The following R3HDM1 variants were observed in gnomAD, a reference collection of about 807,000 sequenced individuals.
R3HDM1 encodes R3H domain-containing protein 1.
R3HDM1 carries 46 observed loss-of-function variants against 141.1 expected under a neutral mutation model. The ratio of observed to expected loss-of-function variants is 0.33; its 90% confidence interval spans 0.26 to 0.42. The LOEUF (loss-of-function observed/expected upper bound fraction) is 0.42. Among genes scored for constraint, R3HDM1 ranks in the 10% least tolerant of loss-of-function variants. The pLI, the probability that R3HDM1 is intolerant of heterozygous loss-of-function variation, is 1.00. For missense variants in R3HDM1, 1,184 were observed against 1,368.3 expected (o/e 0.87, Z 2.12); for synonymous variants, 435 against 472.9 (o/e 0.92, Z 1.04).
intron 19 of R3HDM1, among the ~76,000 whole-genome samples, chr2:135,672,709 C>T (rs946373429): frequency 2.6e-5 from 4 of 151,940 alleles, no homozygotes; most frequent in South Asian, 2.1e-4. Context: ...TCAAAATGTA[C>T]GTGGTGTTTG....
At chr2:135,558,704 A>G (rs1316439153) in intron 1 of R3HDM1, among the ~76,000 whole-genome samples, 1 of 152,200 alleles carries the variant, frequency 6.6e-6, no homozygotes, top group African/African-American at 2.4e-5. Flanking sequence ...ATTAATGTGT[A>G]TATTATTATG....
At chr2:135,594,223 T>C (rs1004630782) in intron 1 of R3HDM1, among the ~76,000 whole-genome samples, 2 of 152,242 alleles carry the variant, frequency 1.3e-5, no homozygotes, top group African/African-American at 4.8e-5. Context: ...CATTAAGATA[T>C]ATGTATAGTT....
chr2:135,687,279 G>C (rs2071517636), intron 21 of R3HDM1, among the ~76,000 whole-genome samples: 1 of 152,168 alleles, frequency 6.6e-6, no homozygotes, highest in Non-Finnish European at 1.5e-5. Flanking sequence ...GGGGGAAGTG[G>C]AGAGTTACTC....
intron 18 of R3HDM1, among the ~76,000 whole-genome samples, chr2:135,657,401 ACT>A (rs1559363152): frequency 6.8e-6 from 1 of 147,480 alleles, no homozygotes; most frequent in Non-Finnish European, 1.5e-5. Context: ...ACAGAGCAAT[ACT>A]CTGTCTCAAA....
chr2:135,577,840 A>G (rs75732899), intron 1 of R3HDM1, among the ~76,000 whole-genome samples: 1 of 96,454 alleles, frequency 1.0e-5, no homozygotes, highest in South Asian at 4.8e-4. Flanking sequence ...CTTCATCTCA[A>G]AAAAAAAAAA....
intron 21 of R3HDM1, among the ~76,000 whole-genome samples, chr2:135,708,958 C>CAAAAAA (rs374959932): frequency 1.9e-5 from 2 of 102,916 alleles, no homozygotes; most frequent in Non-Finnish European, 3.6e-5. Flanking sequence ...AACTCTGTCT[C>CAAAAAA]AAAAAAAAAA....
intron 19 of R3HDM1, among the ~76,000 whole-genome samples, chr2:135,674,252 T>C (rs950403532): frequency 6.6e-6 from 1 of 152,240 alleles, no homozygotes; most frequent in Admixed American, 6.5e-5. Context: ...GAAATTGCCA[T>C]GTCTGTTGCT....
intron 19 of R3HDM1, among the ~76,000 whole-genome samples, chr2:135,665,668 G>A (rs1251934006): frequency 1.3e-5 from 2 of 152,152 alleles, no homozygotes; most frequent in African/African-American, 4.8e-5. Context: ...ATTTGTGAAA[G>A]CTATTGCTTA....
chr2:135,670,535 C>A, intron 19 of R3HDM1: 1 of 447,032 alleles, frequency 2.2e-6, no homozygotes, highest in Non-Finnish European at 3.0e-6. Flanking sequence ...TTGAAATAGT[C>A]TGTGTCATAT....
intron 7 of R3HDM1, among the ~76,000 whole-genome samples, chr2:135,627,926 A>G (rs1332910204): frequency 6.6e-6 from 1 of 152,194 alleles, no homozygotes; most frequent in Non-Finnish European, 1.5e-5. Flanking sequence ...CTTCTGGAAT[A>G]ATGACTAGAA....
Position 135,651,829 on chromosome 2 carries a change from G to A in R3HDM1, c.1825G>A (p.Val609Ile), listed in dbSNP as rs2065181011. The stretch of plus-strand genomic sequence containing the variant: ...TGCCGCCATGTTCCAGTCCACTGTG[G>A]TTCTTCAGTCTCCACAGCAGTCTGG... ...PHAAMFQSTV[V>I]LQSPQQSGYI... Residue 609 changes from valine (V) to isoleucine (I), a missense_variant, in exon 18 of 27, where the codon GTT becomes ATT. Physicochemically the swap from Val to Ile is conservative, Grantham distance 29 (BLOSUM62 3). Around this residue, in one of 5 missense-constraint regions of R3HDM1, gnomAD observed 563 missense variants for 562.0 expected, o/e 1.00. Transcript: ENST00000683871. 1 of 1,613,964 alleles carries A rather than the reference G, an allele frequency of 6.2e-7. No individual in the cohort carries two copies. Among genetic ancestry groups the A allele is most frequent in the South Asian group, 1.1e-5 (1 of 91,080 alleles).
At chr2:135,678,889 A>G (rs901433526) in intron 20 of R3HDM1, among the ~76,000 whole-genome samples, 1 of 150,616 alleles carries the variant, frequency 6.6e-6, no homozygotes, top group Non-Finnish European at 1.5e-5. Context: ...CCTCCTGAGT[A>G]ACTGGGACTA....
At position 135,593,714 on chromosome 2, in the gene R3HDM1, A is replaced by G. The variant is rs546811841; in HGVS notation, c.-249-8786A>G. Among the ~76,000 whole-genome samples, 34 of 151,318 alleles carry G rather than the reference A, an allele frequency of 2.2e-4. No individual in the cohort carries two copies. In the South Asian group the frequency reaches 6.0e-3, roughly 27 times the overall value. Reference sequence around the variant, plus strand: ...CATATTCTCTAGAATTTTCTTTTTTATTTTATTATTTTATTTATTTTTTTG... The same window carrying G: ...CATATTCTCTAGAATTTTCTTTTTTGTTTTATTATTTTATTTATTTTTTTG... On this transcript the variant is annotated intron_variant, in intron 1 of 26. Coordinates refer to ENST00000683871, the MANE Select transcript of R3HDM1 (RefSeq NM_001378107.1).
Position 135,724,502 on chromosome 2 carries a change from C to G in R3HDM1, c.*210C>G. ...ACTAGGAATCCACATCAGAATGATACAGAGTTAGCAGGTTTTTCTAAGGAA... is the reference window on the plus strand; with the variant it reads ...ACTAGGAATCCACATCAGAATGATAGAGAGTTAGCAGGTTTTTCTAAGGAA... On this transcript the variant is annotated 3_prime_UTR_variant, in exon 27 of 27. Transcript: ENST00000683871. The G allele has an allele frequency of 4.4e-6, 2 of 454,436 alleles. No individual in the cohort carries two copies. The highest frequency in any genetic ancestry group is 7.7e-6 in the Non-Finnish European group (2 of 259,362). The allele number at this position is 454,436 out of a possible 1,614,324, so 28.2% of individuals were successfully genotyped here.
chr2:135,687,291 T>A (rs1013811512), intron 21 of R3HDM1, among the ~76,000 whole-genome samples: 4 of 152,190 alleles, frequency 2.6e-5, no homozygotes, highest in Admixed American at 1.3e-4. Context: ...GAGTTACTCT[T>A]CAGTGGATAT....
chr2:135,683,305 G>A (rs1353440221), intron 21 of R3HDM1, among the ~76,000 whole-genome samples: 1 of 152,102 alleles, frequency 6.6e-6, no homozygotes, highest in African/African-American at 2.4e-5. Context: ...TGTAATCCCA[G>A]CACTTTGGGA....
In R3HDM1 at chr2:135,559,118, T is replaced by G. The variant is rs115852907; in HGVS notation, c.-250+27485T>G. On this transcript the variant is annotated intron_variant, in intron 1 of 26. Transcript: ENST00000683871. The stretch of plus-strand genomic sequence containing the variant: ...GCATGCGTGTGTGTGTGTGGTTTTG[T>G]TGTTGTTGTCGGAGACAGGGCCTCG... 6.8e-4 allele frequency: 623 copies of G among 920,002 alleles called. 11 individuals carry two copies. The African/African-American group carries it at 0.01, about 15-fold the overall frequency. The allele number at this position is 920,002 out of a possible 1,614,324, so 57.0% of individuals were successfully genotyped here.
At chr2:135,639,886 C>T (rs994277722) in intron 14 of R3HDM1, among the ~76,000 whole-genome samples, 1 of 152,156 alleles carries the variant, frequency 6.6e-6, no homozygotes, top group African/African-American at 2.4e-5. Flanking sequence ...CACCTGAGGT[C>T]AGGAGTTCAA....
At chr2:135,631,674 C>CA in intron 7 of R3HDM1, 44 bp from the exon 8 acceptor site, 1 of 1,463,508 alleles carries the variant, frequency 6.8e-7, no homozygotes, top group Non-Finnish European at 9.2e-7. Flanking sequence ...GTGATTACTT[C>CA]ATTGCTAAGT....
Sources: allele counts gnomAD v4.1 joint callset (sites outside exome capture counted in the v4.1 genomes callset), GRCh38; gene constraint gnomAD v4.1.1; regional missense constraint gnomAD v4.1.1; transcripts MANE v1.5; gene names NCBI Gene and HGNC (gene_info 2026-07-23, HGNC 2026-07-21).